Variants in DNAH14 observed in about 807,000 individuals in gnomAD.
The protein encoded by DNAH14 is axonemal beta dynein heavy chain 14.
DNAH14 carries 478 observed loss-of-function variants against 520.9 expected under a neutral mutation model. The ratio of observed to expected loss-of-function variants is 0.92; its 90% CI spans 0.85 to 0.99. The LOEUF is 0.99. Among genes scored for constraint, DNAH14 ranks in the 50% least tolerant of loss-of-function variants. The probability of loss-of-function intolerance (pLI) is 0.00; values close to 1 mark genes in which losing one functional copy is unlikely to be tolerated. For synonymous variants in DNAH14, 1,581 were observed against 1,757.2 expected (o/e 0.90, Z 2.51); for missense variants, 4,831 against 5,234.5 (o/e 0.92, Z 2.38).
In DNAH14 at chr1:225,365,425, G is replaced by A. The variant is rs531067678; in HGVS notation, c.12090+531G>A. On this transcript the variant is annotated intron_variant, in intron 76 of 85. Coordinates refer to ENST00000682510, the MANE Select transcript of DNAH14 (RefSeq NM_001367479.1). ...GCAGAGAAAACTGACCGATGGCATA[G>A]GCAGAAGGGGGTACCCAGACTCCCG... Among the ~76,000 whole-genome samples, 46 of 152,290 alleles carry A rather than the reference G, an allele frequency of 3.0e-4. No individual in the cohort carries two copies. In the South Asian group the frequency reaches 4.3e-3, roughly 14 times the overall value.
chr1:224,988,043 G>A (rs1450930282), intron 8 of DNAH14, among the ~76,000 whole-genome samples: 1 of 151,740 alleles, frequency 6.6e-6, no homozygotes, highest in Non-Finnish European at 1.5e-5. Context: ...TTTTCCTAAT[G>A]CTCTCCCTCC....
At chr1:225,340,339 A>G (rs1558457123) in intron 68 of DNAH14, 118 bp from the exon 69 acceptor site, 1 of 1,125,350 alleles carries the variant, frequency 8.9e-7, no homozygotes, top group Non-Finnish European at 1.2e-6. Context: ...TACAAAGCTG[A>G]AAAACACTAA....
intron 7 of DNAH14, among the ~76,000 whole-genome samples, chr1:224,972,610 C>T (rs893572992): frequency 1.3e-5 from 2 of 151,800 alleles, no homozygotes; most frequent in African/African-American, 4.8e-5. Context: ...GGACTACAGG[C>T]GCCTGCCACC....
intron 64 of DNAH14, among the ~76,000 whole-genome samples, chr1:225,330,165 A>C (rs560360055): frequency 6.6e-6 from 1 of 152,128 alleles, no homozygotes; most frequent in Non-Finnish European, 1.5e-5. Context: ...AAATGCTGAC[A>C]GGGATGTGGA....
At chr1:225,331,029 AT>A (rs2094785722) in intron 64 of DNAH14, among the ~76,000 whole-genome samples, 1 of 152,220 alleles carries the variant, frequency 6.6e-6, no homozygotes, top group East Asian at 1.9e-4. Context: ...TTAACAGTTG[AT>A]TCATCATACA....
chr1:225,138,474 A>G (rs2079153215), intron 27 of DNAH14, among the ~76,000 whole-genome samples: 1 of 152,126 alleles, frequency 6.6e-6, no homozygotes, highest in East Asian at 1.9e-4. Flanking sequence ...GGCTCCCTAT[A>G]GTCAGCCCCC....
At chr1:224,970,505 A>G (rs964015683) in intron 7 of DNAH14, among the ~76,000 whole-genome samples, 1 of 151,988 alleles carries the variant, frequency 6.6e-6, no homozygotes, top group African/African-American at 2.4e-5. Context: ...CCCTTTTGAA[A>G]ATCACTAATA....
intron 36 of DNAH14, among the ~76,000 whole-genome samples, chr1:225,182,669 G>A (rs932651496): frequency 6.6e-6 from 1 of 152,116 alleles, no homozygotes; most frequent in Non-Finnish European, 1.5e-5. Flanking sequence ...CTTGAGAGAG[G>A]GAGAGGAAAG....
At position 225,270,866 on chromosome 1, in the gene DNAH14, G is replaced by A. The variant is rs1422222922; in HGVS notation, c.7671G>A (p.Gln2557=). ...AAGACATCTTATGTACTATTTTCCA[G>A]GTAACACATCTAGTTCATTTTCTAC... The part of the protein sequence containing the change: ...PSQDILCTIF[Q]AHLGIYFSIN... The change falls in exon 50 of 86, where the codon CAG becomes CAA. Residue 2557 remains glutamine, a splice_region_variant and synonymous_variant. Transcript: ENST00000682510. 1.3e-6 allele frequency: 2 copies of A among 1,548,682 alleles called. No individual in the cohort carries two copies. The highest frequency in any genetic ancestry group is 1.7e-6 in the Non-Finnish European group (2 of 1,145,742).
chr1:225,026,381 A>G (rs2066122792), intron 11 of DNAH14, among the ~76,000 whole-genome samples: 1 of 152,112 alleles, frequency 6.6e-6, no homozygotes, highest in Non-Finnish European at 1.5e-5. Flanking sequence ...AAGATCTTAT[A>G]ACTTTAGCTC....
chr1:225,085,697 A>G lies in DNAH14; in HGVS notation c.3481A>G (p.Ile1161Val). 6.4e-7 allele frequency: 1 copy of G among 1,551,420 alleles called. No individual in the cohort carries two copies. The highest frequency in any genetic ancestry group is 8.7e-7 in the Non-Finnish European group (1 of 1,146,796). The change falls in exon 21 of 86, where the codon ATT (isoleucine) becomes GTT (valine). Residue 1161 changes from isoleucine (I) to valine (V), a missense_variant. Transcript: ENST00000682510. ...CACAGAGATTTACTCTATCTTCATA[A>G]TTCCATCTATAGATGACATATCAGC... ...HHTEIYSIFI[I>V]PSIDDISAQL... is the part of the protein sequence containing the mutation.
intron 34 of DNAH14, among the ~76,000 whole-genome samples, chr1:225,157,302 C>T (rs2081138988): frequency 6.6e-6 from 1 of 152,070 alleles, no homozygotes; most frequent in Admixed American, 6.6e-5. Flanking sequence ...GTCCTTAACA[C>T]AATATTGGGC....
Position 225,065,338 on chromosome 1 carries a change from T to C in DNAH14, c.2424+13543T>C, listed in dbSNP as rs1243982199. 2.6e-5 allele frequency among the ~76,000 whole-genome samples: 4 copies of C among 151,936 alleles called. No individual in the cohort carries two copies. In the East Asian group the frequency reaches 7.7e-4, roughly 29 times the overall value. On this transcript the variant is annotated intron_variant, in intron 17 of 85. Transcript: ENST00000682510. ...ACATATCCATCATCTCAAATACTTATCATTTTTATGATAAAGACATTTGAA... is the reference window on the plus strand; with the variant it reads ...ACATATCCATCATCTCAAATACTTACCATTTTTATGATAAAGACATTTGAA...
intron 12 of DNAH14, 50 bp downstream of exon 12, chr1:225,038,873 A>G: frequency 7.2e-7 from 1 of 1,385,040 alleles, no homozygotes; most frequent in Non-Finnish European, 9.5e-7. Context: ...CTATAAAATG[A>G]ATACATTTTA....
intron 8 of DNAH14, among the ~76,000 whole-genome samples, chr1:224,997,428 GTTT>G (rs35341220): frequency 6.7e-6 from 1 of 150,016 alleles, no homozygotes; most frequent in Non-Finnish European, 1.5e-5. Flanking sequence ...TCAAAGGCAG[GTTT>G]TTTTTTGTTT....
intron 10 of DNAH14, among the ~76,000 whole-genome samples, chr1:225,012,641 T>C (rs778433902): frequency 6.6e-6 from 1 of 152,262 alleles, no homozygotes; most frequent in Non-Finnish European, 1.5e-5. Context: ...TCATATTTCT[T>C]TGAGACTTTG....
At chr1:225,344,497 G>T (rs1345367902) in intron 69 of DNAH14, among the ~76,000 whole-genome samples, 1 of 152,032 alleles carries the variant, frequency 6.6e-6, no homozygotes, top group Non-Finnish European at 1.5e-5. Flanking sequence ...TTGTGTTTCT[G>T]TGTTAGTTTG....
chr1:225,156,423 C>A (rs1161976660), intron 34 of DNAH14, among the ~76,000 whole-genome samples: 2 of 152,160 alleles, frequency 1.3e-5, no homozygotes, highest in African/African-American at 2.4e-5. Context: ...CCTCCTCCAG[C>A]TTCTGGTGGT....
intron 8 of DNAH14, among the ~76,000 whole-genome samples, chr1:224,999,880 T>C (rs977183318): frequency 1.3e-5 from 2 of 152,178 alleles, no homozygotes; most frequent in Non-Finnish European, 2.9e-5. Flanking sequence ...ATAGTTTTTA[T>C]GCATACATTT....
Sources: gnomAD v4.1 joint callset for allele counts (sites outside exome capture counted in the v4.1 genomes callset) on GRCh38, gnomAD v4.1.1 for gene constraint, MANE v1.5 for transcripts, NCBI Gene and HGNC (gene_info 2026-07-23, HGNC 2026-07-21) for gene names.